LILRB3: variants seen among roughly 807,000 people sequenced by gnomAD.
The protein encoded by LILRB3 is leukocyte immunoglobulin like receptor B3, also known as leukocyte immunoglobulin-like receptor subfamily B member 3.
In LILRB3, 32 loss-of-function variants were observed where a neutral mutation model predicts 68.2. The observed-to-expected ratio is 0.47, with a 90% CI of 0.35 to 0.63. The LOEUF (loss-of-function observed/expected upper bound fraction) is 0.63, where lower values mean the gene tolerates loss of function less well. Ranked by LOEUF, LILRB3 falls within the 30% of genes least tolerant of loss-of-function variation. LILRB3 has a pLI of 0.00. For missense variants in LILRB3, 502 were observed against 791.3 expected, an observed-to-expected ratio of 0.63 and a Z score of 4.39; for synonymous variants, 185 against 323.1, an observed-to-expected ratio of 0.57 and a Z score of 4.58.
chr19:54,219,019 C>T (rs1035462165), intron 8 of LILRB3, 110 bp downstream of exon 8: 2 of 1,524,432 alleles, frequency 1.3e-6, no homozygotes, highest in Non-Finnish European at 1.8e-6. Context: ...AAATTACGTG[C>T]CCCTGGAACC....
In LILRB3 at chr19:54,220,686, C is replaced by T. The variant is rs369888262; in HGVS notation, c.1100G>A (p.Arg367His). 7.1e-5 allele frequency: 110 copies of T among 1,540,960 alleles called. 2 individuals are homozygous for T. The highest frequency in any genetic ancestry group is 7.0e-4 in the Admixed American group (38 of 54,216). The change falls in exon 6 of 13, where the codon CGT becomes CAT. Residue 367 changes from arginine (R) to histidine (H), a missense_variant. Around this residue, in one of 8 missense-constraint regions of LILRB3, gnomAD observed 77 missense variants for 152.8 expected, o/e 0.50. Coordinates refer to ENST00000445347, the Ensembl canonical transcript of LILRB3. Reference sequence around the variant, plus strand: ...ATGAGCTCCGTACATTGATCTCAGACGCAGTGGGGGATGGGCTGCCCCTTC... The same window carrying T: ...ATGAGCTCCGTACATTGATCTCAGATGCAGTGGGGGATGGGCTGCCCCTTC...
exon 4 of LILRB3, chr19:54,221,863 G>T: frequency 1.3e-6 from 2 of 1,537,930 alleles, no homozygotes; most frequent in East Asian, 4.9e-5. Context: ...ACTGGGGTGG[G>T]ACCACACCCA....
exon 13 of LILRB3, chr19:54,217,091 G>C: frequency 6.2e-7 from 1 of 1,614,128 alleles, no homozygotes; most frequent in Non-Finnish European, 8.5e-7. Flanking sequence ...GTACCCCCCG[G>C]GCTAGTGGAT....
At chr19:54,222,773 A>T in exon 2 of LILRB3, 1 of 1,612,638 alleles carries the variant, frequency 6.2e-7, no homozygotes, top group Non-Finnish European at 8.5e-7. Flanking sequence ...CCTGGGGCCC[A>T]GACTCAGCCC....
At chr19:54,220,815 G>A (rs1449319009) in exon 6 of LILRB3, 4 of 1,459,886 alleles carry the variant, frequency 2.7e-6, no homozygotes, top group African/African-American at 1.9e-5. Flanking sequence ...CAGGGAGACG[G>A]TGTCATAGAT....
At chr19:54,219,905 G>T in intron 7 of LILRB3, 1 of 1,545,712 alleles carries the variant, frequency 6.5e-7, no homozygotes, top group South Asian at 1.2e-5. Flanking sequence ...TTAAGGGGCT[G>T]GTCCTCAGGA....
chr19:54,219,047 C>T, intron 8 of LILRB3, 82 bp downstream of exon 8: 1 of 1,537,864 alleles, frequency 6.5e-7, no homozygotes, highest in Non-Finnish European at 8.7e-7. Flanking sequence ...TAAACTGACA[C>T]CCCTGTGTGT....
rs376943128 is a variant in LILRB3 at position 54,217,199 on chromosome 19, T to C, written c.1790A>G (p.Gln597Arg). Residue 597 changes from glutamine to arginine, a missense_variant, in exon 13 of 13, where the codon CAG (glutamine) becomes CGG (arginine). Gln to Arg is a conservative substitution (Grantham distance 43). Around this residue, in one of 8 missense-constraint regions of LILRB3, gnomAD observed 267 missense variants for 245.5 expected, o/e 1.09. Coordinates refer to ENST00000445347, the Ensembl canonical transcript of LILRB3. ...CCGTCTAAGGGTCAAGCTGTGCAGCTGGGCGTAGGTCACATCCTGGGAGGC... is the reference window on the plus strand; with the variant it reads ...CCGTCTAAGGGTCAAGCTGTGCAGCCGGGCGTAGGTCACATCCTGGGAGGC... 37 of 1,597,322 alleles carry C rather than the reference T, an allele frequency of 2.3e-5. No individual in the cohort carries two copies. The South Asian group carries it at 2.8e-4, about 12-fold the overall frequency.
Position 54,221,006 on chromosome 19 carries a change from G to A in LILRB3, c.955+77C>T, listed in dbSNP as rs1264736578. 38 of 1,203,060 alleles carry A rather than the reference G, an allele frequency of 3.2e-5. 1 individual carries two copies. The Admixed American group carries it at 3.8e-4, about 12-fold the overall frequency. 74.5% of individuals were successfully genotyped at this position (1,203,060 alleles called of 1,614,324 possible). A position where few individuals can be genotyped will look rare whatever the true frequency, so the allele number is the denominator to read the frequency against. On this transcript the variant is annotated intron_variant, in intron 5 of 12. Coordinates refer to ENST00000445347, the Ensembl canonical transcript of LILRB3. The stretch of plus-strand genomic sequence containing the variant: ...CCTTGGGACCCCCACCCCTCATCCC[G>A]GCCATCACCACCTGGGCTCCCCCGG...
chr19:54,222,188 G>C, intron 3 of LILRB3, 58 bp from the exon 4 acceptor site: 1 of 1,611,150 alleles, frequency 6.2e-7, no homozygotes, highest in Non-Finnish European at 8.5e-7. Flanking sequence ...ATCATCCCCA[G>C]GGCTGGGCTG....
rs372461563 is a variant in LILRB3 at position 54,217,247 on chromosome 19, G to A, written c.1750-8C>T. On this transcript the variant is annotated splice_region_variant and splice_polypyrimidine_tract_variant and intron_variant, in intron 12 of 12. Transcript: ENST00000445347. ...GGCTTCAGATGCAGCAGCCTGCAGC[G>A]GGGGAGAGTGAGAGGTAAGGAACGT... 3.9e-5 allele frequency: 63 copies of A among 1,610,320 alleles called. No homozygotes were observed. In the East Asian group the frequency reaches 1.0e-3, roughly 26 times the overall value.
intron 3 of LILRB3, 27 bp from the exon 4 acceptor site, chr19:54,222,157 A>G: frequency 1.2e-6 from 2 of 1,609,664 alleles, no homozygotes; most frequent in African/African-American, 1.4e-5. Context: ...CACCGTGTTA[A>G]ATGGGGCTCC....
At chr19:54,219,511 G>C (rs982637864) in intron 7 of LILRB3, 13 of 1,550,422 alleles carry the variant, frequency 8.4e-6, no homozygotes, top group Non-Finnish European at 1.0e-5. Context: ...TCCTGCACCA[G>C]AGCCGAGACC....
At position 54,218,462 on chromosome 19, in the gene LILRB3, C is replaced by T. The variant is rs1041807695; in HGVS notation, c.1541-49G>A. The T allele has an allele frequency of 4.3e-6, 7 of 1,611,908 alleles. No homozygotes were observed. The African/African-American group carries it at 8.0e-5, about 18-fold the overall frequency. ...CGTCTCCTGGTTCTCTGAGACCTCT[C>T]AGTCCTGCTGGCCCCCTGCCCTGCT... On this transcript the variant is annotated intron_variant, in intron 10 of 12. Transcript: ENST00000445347.
intron 11 of LILRB3, chr19:54,217,834 A>G: frequency 1.9e-6 from 1 of 534,614 alleles, no homozygotes; most frequent in Non-Finnish European, 3.5e-6. Context: ...CTCCCCTTCC[A>G]TTCAGACTGG....
In LILRB3 at chr19:54,218,709, G is replaced by A. The variant is rs530026565; in HGVS notation, c.1503-27C>T. The A allele has an allele frequency of 5.0e-6, 8 of 1,614,142 alleles. No individual in the cohort carries two copies. In the South Asian group the frequency reaches 7.7e-5, roughly 16 times the overall value. On this transcript the variant is annotated intron_variant, in intron 9 of 12. Coordinates refer to ENST00000445347, the Ensembl canonical transcript of LILRB3. ...TGGAGGAGGACATGGGAGTGTGAGG[G>A]GCAGTGTATGGGCTGTGGTGGGTGG...
chr19:54,219,500 T>A, intron 7 of LILRB3: 1 of 1,550,328 alleles, frequency 6.5e-7, no homozygotes, highest in Non-Finnish European at 8.7e-7. Context: ...GCAGCCCTTG[T>A]TCCTGCACCA....
chr19:54,222,332 A>C (rs1389240360), exon 3 of LILRB3: 26 of 1,606,722 alleles, frequency 1.6e-5, no homozygotes, highest in Admixed American at 3.4e-5. Context: ...GCAGAGCTGT[A>C]ATAGTGGCAG....
At chr19:54,222,129 T>A in exon 4 of LILRB3, 1 of 1,606,766 alleles carries the variant, frequency 6.2e-7, no homozygotes, top group Non-Finnish European at 8.5e-7. Context: ...TGTTGTAGAA[T>A]CCTAGGAGAG....
Sources: gnomAD v4.1 joint callset for allele counts on GRCh38, gnomAD v4.1.1 for gene constraint, gnomAD v4.1.1 regional missense constraint, MANE v1.5 for transcripts, NCBI Gene and HGNC (gene_info 2026-07-23, HGNC 2026-07-21) for gene names.